MIX23: variants seen among roughly 807,000 people sequenced by gnomAD.
MIX23 encodes protein MIX23.
In MIX23, 13 loss-of-function variants were observed where a neutral mutation model predicts 21.6. The observed-to-expected ratio is 0.60, with a 90% CI of 0.39 to 0.96. The LOEUF is 0.96. Among genes scored for constraint, MIX23 ranks in the 40% least tolerant of loss-of-function variants. MIX23 has a pLI of 0.00. For synonymous variants in MIX23, 59 were observed against 58.0 expected, an observed-to-expected ratio of 1.02 and a Z score of -0.08; for missense variants, 144 against 171.2, an observed-to-expected ratio of 0.84 and a Z score of 0.89.
Position 122,371,776 on chromosome 3 carries a change from T to C in MIX23, c.76A>G (p.Ile26Val), listed in dbSNP as rs890854225. ...FQELLKVMRTIDDRIVHELNT... is the reference protein window; with the variant it reads ...FQELLKVMRTVDDRIVHELNT... Reference sequence around the variant, plus strand: ...AATTCATGTACTATTCTGTCATCAATTGTCCTCATCACCTTGAGTAATTCC... The same window carrying C: ...AATTCATGTACTATTCTGTCATCAACTGTCCTCATCACCTTGAGTAATTCC... Residue 26 changes from isoleucine (I) to valine (V), a missense_variant, in exon 2 of 5, where the codon ATT becomes GTT. Coordinates refer to ENST00000291458, the MANE Select transcript of MIX23 (RefSeq NM_001017928.4). 3.1e-6 allele frequency: 5 copies of C among 1,605,410 alleles called. No homozygotes were observed. In the Middle Eastern group the frequency reaches 5.0e-4, roughly 161 times the overall value.
chr3:122,370,190 G>A (rs868865863), intron 2 of MIX23, among the ~76,000 whole-genome samples: 7 of 152,122 alleles, frequency 4.6e-5, no homozygotes, highest in African/African-American at 1.7e-4. Flanking sequence ...GTTGGCTCAC[G>A]CCTGTAATCC....
chr3:122,376,166 CAAAAAAA>C (rs1158747986), intron 1 of MIX23, among the ~76,000 whole-genome samples: 4 of 64,480 alleles, frequency 6.2e-5, no homozygotes, highest in Admixed American at 2.1e-4. Flanking sequence ...GACTCCGTCT[CAAAAAAA>C]AAAAAAAAAA....
chr3:122,367,212 G>C (rs1469679142), intron 3 of MIX23, among the ~76,000 whole-genome samples: 1 of 151,902 alleles, frequency 6.6e-6, no homozygotes, highest in African/African-American at 2.4e-5. Flanking sequence ...AAAGCAGGTG[G>C]GGCAACATAT....
intron 4 of MIX23, among the ~76,000 whole-genome samples, chr3:122,361,890 T>C (rs2075361386): frequency 6.6e-6 from 1 of 152,210 alleles, no homozygotes; most frequent in Non-Finnish European, 1.5e-5. Context: ...AGCCGGTACA[T>C]TCTGGTTTTG....
intron 1 of MIX23, among the ~76,000 whole-genome samples, chr3:122,376,798 T>A (rs1225246757): frequency 6.6e-6 from 1 of 152,106 alleles, no homozygotes; most frequent in Admixed American, 6.5e-5. Context: ...AGAATAGACA[T>A]TGGGGACTCC....
intron 1 of MIX23, among the ~76,000 whole-genome samples, chr3:122,382,863 G>A (rs1192173912): frequency 6.6e-6 from 1 of 152,210 alleles, no homozygotes; most frequent in Non-Finnish European, 1.5e-5. Context: ...ACTGAGTTCA[G>A]GGAACTGCTA....
chr3:122,370,712 G>A (rs1261844258), intron 2 of MIX23, among the ~76,000 whole-genome samples: 2 of 152,088 alleles, frequency 1.3e-5, no homozygotes, highest in Non-Finnish European at 2.9e-5. Context: ...TCAGACAGAG[G>A]TACCCAAAGA....
intron 2 of MIX23, 48 bp downstream of exon 2, chr3:122,371,627 T>G (rs775546495): frequency 2.5e-5 from 40 of 1,598,570 alleles, no homozygotes; most frequent in Non-Finnish European, 2.9e-5. Context: ...TTATTCAGCC[T>G]GCAAAGAAAG....
Position 122,359,628 on chromosome 3 carries a change from A to ATTTT in MIX23, c.*237_*240dup, listed in dbSNP as rs879005909. 26 of 238,860 alleles carry ATTTT rather than the reference A, an allele frequency of 1.1e-4. No individual in the cohort carries two copies. The highest frequency in any genetic ancestry group is 7.7e-5 in the Non-Finnish European group (10 of 130,062). The allele number at this position is 238,860 out of a possible 1,614,324, so 14.8% of individuals were successfully genotyped here. Reference sequence around the variant, plus strand: ...GAAAATTATTTTAATAGTTACAAAAATTTTTTTTTTTTTTTTTTACAGAAT... The same window carrying ATTTT: ...GAAAATTATTTTAATAGTTACAAAAATTTTTTTTTTTTTTTTTTTTTTACAGAAT... On this transcript the variant is annotated 3_prime_UTR_variant, in exon 5 of 5. Coordinates refer to ENST00000291458, the MANE Select transcript of MIX23 (RefSeq NM_001017928.4).
intron 1 of MIX23, among the ~76,000 whole-genome samples, chr3:122,377,494 G>A (rs575463392): frequency 2.0e-5 from 3 of 152,318 alleles, no homozygotes; most frequent in South Asian, 2.1e-4. Context: ...GTGATGTCAC[G>A]GAAGTCAGAA....
chr3:122,377,183 A>G (rs1265833354), intron 1 of MIX23, among the ~76,000 whole-genome samples: 2 of 152,202 alleles, frequency 1.3e-5, no homozygotes, highest in East Asian at 3.9e-4. Context: ...TCCATCTCCG[A>G]AAAGAAACCT....
chr3:122,360,639 A>T (rs984551142), intron 4 of MIX23, among the ~76,000 whole-genome samples: 3 of 152,156 alleles, frequency 2.0e-5, no homozygotes, highest in Admixed American at 1.3e-4. Flanking sequence ...CATGTCAAAA[A>T]TTTTAAGTGT....
Position 122,363,025 on chromosome 3 carries a change from C to T in MIX23, c.327G>A (p.Leu109=), listed in dbSNP as rs1392431996. The T allele has an allele frequency of 3.1e-6, 5 of 1,602,250 alleles. No homozygotes were observed. The highest frequency in any genetic ancestry group is 2.2e-5 in the East Asian group (1 of 44,752). The change falls in exon 4 of 5, where the codon TTG becomes TTA. Residue 109 remains leucine (L), a splice_region_variant and synonymous_variant. Transcript: ENST00000291458. ...CATTCAGTTCTGACTGCATCCATTT[C>T]AACTGCAAGAAAAAAAAAAATTGAA... is the stretch of plus-strand genomic sequence containing the variant. ...LKQLRKEQTK[L]KWMQSELNVE...
chr3:122,372,198 T>C (rs570654819), intron 1 of MIX23, among the ~76,000 whole-genome samples: 1 of 130,798 alleles, frequency 7.6e-6, no homozygotes, highest in Non-Finnish European at 1.5e-5. Context: ...CAAGGATCCA[T>C]CTTACCTCAG....
chr3:122,366,170 T>G lies in MIX23; in HGVS notation c.324+2006A>C, dbSNP rs181038840. Among the ~76,000 whole-genome samples, 499 of 148,560 alleles carry G rather than the reference T, an allele frequency of 3.4e-3. 1 individual carries two copies. Among genetic ancestry groups the G allele is most frequent in the African/African-American group, 0.012 (478 of 40,370 alleles). On this transcript the variant is annotated intron_variant, in intron 3 of 4. Transcript: ENST00000291458. ...TCCAGCCCAGGCGATAGTGCGAGAC[T>G]CCATCTCAAAAATAAATAAATAAAT...
intron 3 of MIX23, among the ~76,000 whole-genome samples, chr3:122,364,335 T>C (rs905693852): frequency 1.3e-5 from 2 of 152,166 alleles, no homozygotes; most frequent in Non-Finnish European, 1.5e-5. Context: ...AGCCCACCAA[T>C]GCAACCTAAG....
At chr3:122,368,718 A>C (rs1169775301) in intron 2 of MIX23, among the ~76,000 whole-genome samples, 1 of 152,214 alleles carries the variant, frequency 6.6e-6, no homozygotes, top group Non-Finnish European at 1.5e-5. Flanking sequence ...TTAAACGGCT[A>C]TTCTTCCTCT....
intron 2 of MIX23, among the ~76,000 whole-genome samples, chr3:122,368,964 C>G (rs984112077): frequency 7.2e-5 from 11 of 152,280 alleles, no homozygotes; most frequent in African/African-American, 2.6e-4. Context: ...TTAAGGATGT[C>G]TGACAGAACA....
At chr3:122,378,154 G>A (rs1000103587) in intron 1 of MIX23, among the ~76,000 whole-genome samples, 3 of 152,220 alleles carry the variant, frequency 2.0e-5, no homozygotes, top group Non-Finnish European at 2.9e-5. Context: ...GGACTGCAGA[G>A]GAACTAGAGT....
Sources: gnomAD v4.1 joint callset for allele counts (sites outside exome capture counted in the v4.1 genomes callset) on GRCh38, gnomAD v4.1.1 for gene constraint, MANE v1.5 for transcripts, NCBI Gene and HGNC (gene_info 2026-07-23, HGNC 2026-07-21) for gene names.